TTC19: variants seen among roughly 807,000 people sequenced by gnomAD.
The protein encoded by TTC19 is tetratricopeptide repeat protein 19, mitochondrial.
TTC19 carries 38 observed loss-of-function variants against 49.5 expected under a neutral mutation model. The ratio of observed to expected loss-of-function variants is 0.77; its 90% CI spans 0.59 to 1.01. TTC19 has a LOEUF of 1.01. Among genes scored for constraint, TTC19 ranks in the 50% least tolerant of loss-of-function variants. The probability of loss-of-function intolerance (pLI) is 0.00; values close to 1 mark genes in which losing one functional copy is unlikely to be tolerated. For missense variants in TTC19, 475 were observed against 477.7 expected, an observed-to-expected ratio of 0.99 and a Z score of 0.05; for synonymous variants, 204 against 185.2, an observed-to-expected ratio of 1.10 and a Z score of -0.83.
At chr17:16,022,827 G>A (rs564303422) in intron 7 of TTC19, among the ~76,000 whole-genome samples, 14 of 152,212 alleles carry the variant, frequency 9.2e-5, no homozygotes, top group Middle Eastern at 3.4e-3. Flanking sequence ...GTATAGTAGC[G>A]TATCTTTTTC....
intron 2 of TTC19, among the ~76,000 whole-genome samples, chr17:16,041,686 A>T (rs1453090899): frequency 6.6e-6 from 1 of 151,994 alleles, no homozygotes; most frequent in African/African-American, 2.4e-5. Flanking sequence ...AAGTGCTGGG[A>T]TTACAGGCAT....
At chr17:16,031,305 C>T (rs926824285), downstream of TTC19, 9 of 191,828 alleles carry the variant, frequency 4.7e-5, no homozygotes, top group African/African-American at 2.1e-4. Context: ...ATCTTTTAAC[C>T]CAACCAATCA....
chr17:16,005,791 T>C lies in TTC19; in HGVS notation c.582-683T>C, dbSNP rs576649590. On this transcript the variant is annotated intron_variant, in intron 6 of 9. Coordinates refer to ENST00000261647, the MANE Select transcript of TTC19 (RefSeq NM_017775.4). ...TGAGGTCAACAGTTGGAATCCTCAC[T>C]GTAGGGCGGCCTGAACTGTTTAGGG... Among the ~76,000 whole-genome samples, 37 of 152,352 alleles carry C rather than the reference T, an allele frequency of 2.4e-4. 1 individual carries two copies. The South Asian group carries it at 7.5e-3, about 31-fold the overall frequency.
intron 7 of TTC19, among the ~76,000 whole-genome samples, chr17:16,016,357 A>G (rs146549888): frequency 1.1e-4 from 16 of 152,288 alleles, no homozygotes; most frequent in African/African-American, 3.9e-4. Flanking sequence ...TCAGAGAACA[A>G]CTGTGCTTGA....
chr17:16,004,852 C>T (rs1970850801), intron 6 of TTC19, among the ~76,000 whole-genome samples: 1 of 152,196 alleles, frequency 6.6e-6, no homozygotes, highest in Non-Finnish European at 1.5e-5. Context: ...CCCTACTGTC[C>T]TACTCACCAG....
chr17:16,027,340 C>A (rs1279641960), intron 9 of TTC19, 34 bp from the exon 10 acceptor site: 11 of 1,612,410 alleles, frequency 6.8e-6, no homozygotes, highest in Admixed American at 1.7e-5. Context: ...CATACACTTT[C>A]TTCTTACTGT....
chr17:16,017,367 C>A (rs915178440), intron 7 of TTC19, among the ~76,000 whole-genome samples: 1 of 143,920 alleles, frequency 6.9e-6, no homozygotes, highest in Non-Finnish European at 1.5e-5. Context: ...GAGAATGGCA[C>A]GAACCCAGAA....
At chr17:16,037,048 C>A (rs1009350120) in intron 2 of TTC19, among the ~76,000 whole-genome samples, 2 of 152,200 alleles carry the variant, frequency 1.3e-5, no homozygotes, top group African/African-American at 4.8e-5. Context: ...CTTCTTTTCA[C>A]TTGAACACTT....
At chr17:16,037,334 C>T (rs1487561514) in intron 2 of TTC19, among the ~76,000 whole-genome samples, 3 of 151,934 alleles carry the variant, frequency 2.0e-5, no homozygotes, top group African/African-American at 7.3e-5. Flanking sequence ...ATGACACAGA[C>T]ACAAAGGAGA....
chr17:16,034,540 C>T (rs934745948), intron 2 of TTC19, among the ~76,000 whole-genome samples: 2 of 151,904 alleles, frequency 1.3e-5, no homozygotes, highest in Non-Finnish European at 2.9e-5. Context: ...CCTCAGAGGT[C>T]GAGGCTGCAG....
chr17:16,028,983 C>CT lies in TTC19; in HGVS notation c.*1462dup, dbSNP rs1183769531. ...TAATCTCATATTATTTACCATGCAG[C>CT]TAATGCCGTTTACCAAGTCTAGCTC... On this transcript the variant is annotated 3_prime_UTR_variant, in exon 10 of 10. Coordinates refer to ENST00000261647, the MANE Select transcript of TTC19 (RefSeq NM_017775.4). The CT allele has an allele frequency of 2.3e-6, 1 of 430,948 alleles. No individual in the cohort carries two copies. Among genetic ancestry groups the CT allele is most frequent in the South Asian group, 1.7e-5 (1 of 58,576 alleles). The allele number at this position is 430,948 out of a possible 1,614,324, so 26.7% of individuals were successfully genotyped here.
intron 7 of TTC19, among the ~76,000 whole-genome samples, chr17:16,020,823 C>T (rs1289349944): frequency 6.6e-6 from 1 of 151,954 alleles, no homozygotes; most frequent in Non-Finnish European, 1.5e-5. Flanking sequence ...CAGGCACGTG[C>T]CACCATGTCT....
chr17:16,038,057 G>A (rs1455818546), intron 2 of TTC19, among the ~76,000 whole-genome samples: 2 of 152,030 alleles, frequency 1.3e-5, no homozygotes, highest in African/African-American at 4.8e-5. Context: ...AGGTCTTAAA[G>A]TTAACATGTA....
At chr17:16,017,469 AAG>A (rs1491471961) in intron 7 of TTC19, among the ~76,000 whole-genome samples, 99 of 146,372 alleles carry the variant, frequency 6.8e-4, no homozygotes, top group African/African-American at 2.6e-3. Context: ...AAAAAAAAAA[AAG>A]TATTCAGGCT....
rs76900565 is a variant in TTC19 at position 16,026,086 on chromosome 17, C to A, written c.832-454C>A. Among the ~76,000 whole-genome samples, 924 of 152,206 alleles carry A rather than the reference C, an allele frequency of 6.1e-3. 16 individuals carry two copies. The highest frequency in any genetic ancestry group is 0.021 in the African/African-American group (857 of 41,520). On this transcript the variant is annotated intron_variant, in intron 8 of 9. Transcript: ENST00000261647. ...AATTAAAAAAACTCCTACTGGGCAT[C>A]TTCCTAAAATAGATGGTGTATTTCT...
At chr17:16,003,748 A>G in intron 4 of TTC19, 83 bp from the exon 5 acceptor site, 1 of 1,245,984 alleles carries the variant, frequency 8.0e-7, no homozygotes, top group Non-Finnish European at 1.2e-6. Context: ...GTTGCATCAG[A>G]CTGGCACTTA....
intron 1 of TTC19, 25 bp downstream of exon 1, chr17:16,000,057 CCGGCCGGGCGGGGA>C: frequency 1.6e-6 from 2 of 1,288,832 alleles, no homozygotes; most frequent in East Asian, 3.4e-5. Context: ...CCGGGCGGGG[CCGGCCGGGCGGGGA>C]CAGGGGCGCG....
At chr17:16,017,316 A>G (rs1288702676) in intron 7 of TTC19, among the ~76,000 whole-genome samples, 1 of 151,960 alleles carries the variant, frequency 6.6e-6, no homozygotes, top group Non-Finnish European at 1.5e-5. Flanking sequence ...AGGCATGGTG[A>G]CGGGTGCCTA....
chr17:16,027,570 G>GCTAT lies in TTC19; in HGVS notation c.*50_*53dup. On this transcript the variant is annotated 3_prime_UTR_variant, in exon 10 of 10. Coordinates refer to ENST00000261647, the MANE Select transcript of TTC19 (RefSeq NM_017775.4). Reference sequence around the variant, plus strand: ...TAATGTCTAGTAATGTGGAAGAATAGCTATCATTCCTGTCTCTGTGGCACC... The same window carrying GCTAT: ...TAATGTCTAGTAATGTGGAAGAATAGCTATCTATCATTCCTGTCTCTGTGGCACC... The GCTAT allele has an allele frequency of 6.2e-7, 1 of 1,601,862 alleles. No homozygotes were observed. The highest frequency in any genetic ancestry group is 1.1e-5 in the South Asian group (1 of 90,628).
Sources: allele counts gnomAD v4.1 joint callset (sites outside exome capture counted in the v4.1 genomes callset), GRCh38; gene constraint gnomAD v4.1.1; transcripts MANE v1.5; gene names NCBI Gene and HGNC (gene_info 2026-07-23, HGNC 2026-07-21).